Variants in SPIN1 observed in about 807,000 individuals in gnomAD.
SPIN1 encodes spindlin 1.
Under a neutral mutation model 26.0 loss-of-function variants are expected in SPIN1, and 3 were observed. The observed-to-expected ratio is 0.12, with a 90% CI of 0.05 to 0.30. The LOEUF (loss-of-function observed/expected upper bound fraction) is 0.30, where lower values mean the gene tolerates loss of function less well. Among genes scored for constraint, SPIN1 ranks in the 10% least tolerant of loss-of-function variants. The pLI, the probability that SPIN1 is intolerant of heterozygous loss-of-function variation, is 1.00. For missense variants in SPIN1, 126 were observed against 333.4 expected, an observed-to-expected ratio of 0.38 and a Z score of 4.84; for synonymous variants, 101 against 116.5, an observed-to-expected ratio of 0.87 and a Z score of 0.86.
intron 2 of SPIN1, among the ~76,000 whole-genome samples, chr9:88,445,516 CTTTTATTATTATTAT>C (rs1828229906): frequency 9.3e-6 from 1 of 107,936 alleles, no homozygotes; most frequent in Non-Finnish European, 1.9e-5. Context: ...TGTATTGAGA[CTTTTATTATTATTAT>C]TATTATTATT....
At chr9:88,404,404 G>A (rs886948284) in intron 1 of SPIN1, among the ~76,000 whole-genome samples, 2 of 152,112 alleles carry the variant, frequency 1.3e-5, no homozygotes, top group Non-Finnish European at 2.9e-5. Context: ...GTCAGACAGC[G>A]AAGACACTTT....
chr9:88,400,131 G>C (rs73652552), intron 1 of SPIN1, among the ~76,000 whole-genome samples: 3 of 152,090 alleles, frequency 2.0e-5, no homozygotes, highest in Non-Finnish European at 2.9e-5. Context: ...TGCCCAGCAC[G>C]GTACTGTCTT....
At chr9:88,426,052 C>G (rs1207965013) in intron 1 of SPIN1, among the ~76,000 whole-genome samples, 1 of 152,168 alleles carries the variant, frequency 6.6e-6, no homozygotes, top group African/African-American at 2.4e-5. Context: ...AGCATCCACC[C>G]TTTTCTGATT....
intron 2 of SPIN1, among the ~76,000 whole-genome samples, chr9:88,437,434 G>A (rs1828026777): frequency 6.6e-6 from 1 of 151,790 alleles, no homozygotes; most frequent in Non-Finnish European, 1.5e-5. Context: ...GGAGGGAGAA[G>A]CTTCAGTGAG....
chr9:88,469,018 G>C (rs1828724573), intron 5 of SPIN1, among the ~76,000 whole-genome samples: 1 of 152,126 alleles, frequency 6.6e-6, no homozygotes, highest in South Asian at 2.1e-4. Flanking sequence ...CCAAGACATT[G>C]ATTATTTCAT....
At position 88,427,508 on chromosome 9, in the gene SPIN1, C is replaced by T. The variant is rs180941582; in HGVS notation, c.52+917C>T. 3.3e-3 allele frequency among the ~76,000 whole-genome samples: 508 copies of T among 152,084 alleles called. 3 individuals carry two copies. Among genetic ancestry groups the T allele is most frequent in the African/African-American group, 0.011 (471 of 41,488 alleles). On this transcript the variant is annotated intron_variant, in intron 2 of 5. Transcript: ENST00000375859. Reference sequence around the variant, plus strand: ...ATGAGAGCTTACTCAGAATCCTAGCCGTTATTAGCTGTATAAAGATGGGCA... The same window carrying T: ...ATGAGAGCTTACTCAGAATCCTAGCTGTTATTAGCTGTATAAAGATGGGCA...
At chr9:88,456,137 G>A (rs1246595658) in intron 3 of SPIN1, among the ~76,000 whole-genome samples, 1 of 152,030 alleles carries the variant, frequency 6.6e-6, no homozygotes, top group Non-Finnish European at 1.5e-5. Flanking sequence ...ACGGAACAAT[G>A]GAAACTCCAC....
chr9:88,468,269 T>C (rs1828711234), intron 4 of SPIN1, 103 bp from the exon 5 acceptor site: 2 of 808,028 alleles, frequency 2.5e-6, no homozygotes, highest in Admixed American at 3.4e-5. Flanking sequence ...ATACGTTGCA[T>C]GGACAAAATT....
intron 1 of SPIN1, among the ~76,000 whole-genome samples, chr9:88,422,400 T>TA (rs901526130): frequency 3.9e-5 from 6 of 152,214 alleles, no homozygotes; most frequent in South Asian, 2.1e-4. Flanking sequence ...GGTATATCTT[T>TA]AAAAAAACCT....
chr9:88,464,722 T>TCAAAGTG (rs1828628003), intron 4 of SPIN1, among the ~76,000 whole-genome samples: 1 of 152,074 alleles, frequency 6.6e-6, no homozygotes, highest in Non-Finnish European at 1.5e-5. Context: ...AAAGAGCTAT[T>TCAAAGTG]CAAAGTGCAA....
intron 4 of SPIN1, 28 bp downstream of exon 4, chr9:88,462,777 A>G (rs1421804603): frequency 2.6e-6 from 4 of 1,561,720 alleles, no homozygotes; most frequent in South Asian, 1.2e-5. Context: ...TTTGTGCATT[A>G]TATACTTTAA....
chr9:88,399,235 T>G (rs1675290092), intron 1 of SPIN1, among the ~76,000 whole-genome samples: 1 of 152,082 alleles, frequency 6.6e-6, no homozygotes, highest in Non-Finnish European at 1.5e-5. Context: ...GGTTTCACCA[T>G]GTTGGCCAGG....
chr9:88,445,547 T>G (rs1828233023), intron 2 of SPIN1, among the ~76,000 whole-genome samples: 1 of 146,698 alleles, frequency 6.8e-6, no homozygotes. Flanking sequence ...TTATTATTAT[T>G]ATTATTATTA....
intron 3 of SPIN1, among the ~76,000 whole-genome samples, chr9:88,460,057 A>G (rs891081012): frequency 2.6e-5 from 4 of 152,176 alleles, no homozygotes; most frequent in African/African-American, 9.7e-5. Context: ...GATATGCCTT[A>G]GCGCCAGTCA....
intron 3 of SPIN1, among the ~76,000 whole-genome samples, chr9:88,461,030 C>CAACAAG (rs1564041947): frequency 1.3e-5 from 2 of 152,172 alleles, no homozygotes; most frequent in African/African-American, 4.8e-5. Context: ...AAGATACTTT[C>CAACAAG]GTATGTTGTC....
chr9:88,471,089 A>C (rs1246325450), intron 5 of SPIN1, among the ~76,000 whole-genome samples: 1 of 152,132 alleles, frequency 6.6e-6, no homozygotes, highest in African/African-American at 2.4e-5. Flanking sequence ...CTTTGCACAA[A>C]AGTTTTAAAC....
At chr9:88,424,060 G>A (rs1000926727) in intron 1 of SPIN1, among the ~76,000 whole-genome samples, 6 of 152,138 alleles carry the variant, frequency 3.9e-5, no homozygotes, top group African/African-American at 1.4e-4. Context: ...GAACCACTGC[G>A]CCTGGCCTTT....
chr9:88,465,443 C>T (rs1190225632), intron 4 of SPIN1, among the ~76,000 whole-genome samples: 3 of 152,116 alleles, frequency 2.0e-5, no homozygotes, highest in African/African-American at 4.8e-5. Flanking sequence ...GTTCTCCATC[C>T]CTTAGTCAGC....
intron 2 of SPIN1, among the ~76,000 whole-genome samples, chr9:88,445,518 T>TTTTTTA (rs1554695903): frequency 2.2e-5 from 3 of 134,610 alleles, no homozygotes; most frequent in African/African-American, 5.5e-5. Flanking sequence ...TATTGAGACT[T>TTTTTTA]TTATTATTAT....
Sources: allele counts gnomAD v4.1 joint callset (sites outside exome capture counted in the v4.1 genomes callset), GRCh38; gene constraint gnomAD v4.1.1; transcripts MANE v1.5; gene names NCBI Gene and HGNC (gene_info 2026-07-23, HGNC 2026-07-21).